Variants in SPINK8 observed in about 807,000 individuals in gnomAD.
The protein encoded by SPINK8 is serine protease inhibitor Kazal-type 8.
A neutral mutation model predicts 14.4 loss-of-function variants in SPINK8; 12 were observed. The ratio of observed to expected loss-of-function variants is 0.83; its 90% confidence interval spans 0.53 to 1.35. SPINK8 has a LOEUF of 1.35. Among genes scored for constraint, SPINK8 ranks in the 40% most tolerant of loss-of-function variants. The probability of loss-of-function intolerance (pLI) is 0.00; values close to 1 mark genes in which losing one functional copy is unlikely to be tolerated. For synonymous variants in SPINK8, 32 were observed against 37.6 expected, an observed-to-expected ratio of 0.85 and a Z score of 0.55; for missense variants, 103 against 117.0, an observed-to-expected ratio of 0.88 and a Z score of 0.55.
intron 4 of SPINK8, among the ~76,000 whole-genome samples, chr3:48,327,598 G>A (rs550991125): frequency 6.6e-6 from 1 of 152,264 alleles, no homozygotes; most frequent in South Asian, 2.1e-4. Context: ...TGAAAGGTGA[G>A]GAAGTGTAGA....
chr3:48,323,010 G>A (rs2036095281), intron 4 of SPINK8, among the ~76,000 whole-genome samples: 1 of 152,150 alleles, frequency 6.6e-6, no homozygotes, highest in Non-Finnish European at 1.5e-5. Context: ...TTCCAAAGCA[G>A]CTGCATTTTA....
intron 6 of SPINK8, among the ~76,000 whole-genome samples, chr3:48,317,156 C>G (rs1333422228): frequency 6.6e-6 from 1 of 152,142 alleles, no homozygotes; most frequent in East Asian, 1.9e-4. Flanking sequence ...ATAACAAAAA[C>G]AGTTCAAAGA....
intron 6 of SPINK8, among the ~76,000 whole-genome samples, chr3:48,312,720 C>T (rs1024906631): frequency 6.6e-5 from 10 of 151,492 alleles, no homozygotes; most frequent in Admixed American, 3.9e-4. Context: ...TCAATGGGGC[C>T]GGGCGTGGTG....
chr3:48,319,511 C>T lies in SPINK8; in HGVS notation c.225G>A (p.Leu75=). ...DQVTYSSDCH[L]CSKILFEGLN... ...TTAGGACTTACAGAATTTTGGAGCA[C>T]AGATGGCAGTCACTACTGTAGGTAA... is the stretch of plus-strand genomic sequence containing the variant. Residue 75 remains leucine, a synonymous_variant, in exon 6 of 8, where the codon CTG becomes CTA. Transcript: ENST00000434006. The T allele has an allele frequency of 4.3e-6, 7 of 1,613,974 alleles. No individual in the cohort carries two copies. Among genetic ancestry groups the T allele is most frequent in the Non-Finnish European group, 5.9e-6 (7 of 1,179,876 alleles).
intron 4 of SPINK8, among the ~76,000 whole-genome samples, chr3:48,325,705 G>T (rs895578452): frequency 2.0e-5 from 3 of 150,888 alleles, no homozygotes. Context: ...TGATTCTCCT[G>T]CTTCAGCCTC....
intron 4 of SPINK8, among the ~76,000 whole-genome samples, chr3:48,324,262 T>A (rs999549082): frequency 6.6e-6 from 1 of 152,208 alleles, no homozygotes; most frequent in Non-Finnish European, 1.5e-5. Context: ...TAAGTGAAAT[T>A]GTTTTCTTAA....
At chr3:48,320,503 G>A (rs373647061) in intron 5 of SPINK8, among the ~76,000 whole-genome samples, 177 of 151,598 alleles carry the variant, frequency 1.2e-3, no homozygotes, top group African/African-American at 4.0e-3. Context: ...AGCTGAGATC[G>A]CGCCACTGCA....
At chr3:48,320,837 C>T (rs1399463172) in intron 5 of SPINK8, among the ~76,000 whole-genome samples, 188 bp downstream of exon 5, 1 of 152,158 alleles carries the variant, frequency 6.6e-6, no homozygotes, top group East Asian at 1.9e-4. Flanking sequence ...ATTGGGAGAA[C>T]CCTTGAGAAG....
In SPINK8 at chr3:48,332,412, A is replaced by G. The variant is rs192421294; in HGVS notation, c.-182T>C. 9.8e-5 allele frequency among the ~76,000 whole-genome samples: 15 copies of G among 152,346 alleles called. No homozygotes were observed. Among genetic ancestry groups the G allele is most frequent in the African/African-American group, 3.1e-4 (13 of 41,576 alleles). On this transcript the variant is annotated 5_prime_UTR_variant, in exon 2 of 8. Coordinates refer to ENST00000434006, the MANE Select transcript of SPINK8 (RefSeq NM_001080525.3). ...CAATAGATCCAGATGACAGAGAGGT[A>G]TGCTTCCTCAATGCCTCCCTTAGTC...
intron 6 of SPINK8, among the ~76,000 whole-genome samples, chr3:48,312,996 C>CAAAAAAA (rs57016387): frequency 2.5e-5 from 3 of 122,018 alleles, no homozygotes; most frequent in Non-Finnish European, 3.5e-5. Context: ...GACTCTGTCT[C>CAAAAAAA]AAAAAAAAAA....
At chr3:48,322,354 T>A (rs1041979640) in intron 4 of SPINK8, among the ~76,000 whole-genome samples, 1 of 151,890 alleles carries the variant, frequency 6.6e-6, no homozygotes, top group Non-Finnish European at 1.5e-5. Context: ...TTTTTTTTTT[T>A]AGACAGAATC....
intron 7 of SPINK8, among the ~76,000 whole-genome samples, chr3:48,307,438 T>C (rs2035863808): frequency 1.3e-5 from 2 of 151,426 alleles, no homozygotes; most frequent in African/African-American, 4.9e-5. Flanking sequence ...CCCTTCCTTC[T>C]TCCACTTCCT....
At chr3:48,321,125 CA>C in intron 4 of SPINK8, 51 bp from the exon 5 acceptor site, 1 of 1,534,248 alleles carries the variant, frequency 6.5e-7, no homozygotes, top group South Asian at 1.2e-5. Flanking sequence ...CTTCTGCCCT[CA>C]GCGAAAAAGG....
At chr3:48,308,335 A>G (rs1488313348) in intron 7 of SPINK8, among the ~76,000 whole-genome samples, 2 of 152,206 alleles carry the variant, frequency 1.3e-5, no homozygotes, top group African/African-American at 4.8e-5. Context: ...TACTTTATAA[A>G]AGCAATATTA....
At chr3:48,322,163 T>C (rs1209826369) in intron 4 of SPINK8, among the ~76,000 whole-genome samples, 1 of 151,940 alleles carries the variant, frequency 6.6e-6, no homozygotes, top group African/African-American at 2.4e-5. Flanking sequence ...TCTTTTTAAA[T>C]AATTCACCTA....
intron 6 of SPINK8, among the ~76,000 whole-genome samples, chr3:48,318,999 C>A (rs2036033023): frequency 6.6e-6 from 1 of 152,198 alleles, no homozygotes; most frequent in Non-Finnish European, 1.5e-5. Flanking sequence ...CTCAAAGCTT[C>A]TAACATGTGA....
intron 2 of SPINK8, among the ~76,000 whole-genome samples, chr3:48,330,614 G>A (rs2107117227): frequency 1.3e-5 from 2 of 152,142 alleles, no homozygotes; most frequent in South Asian, 4.2e-4. Context: ...TTGAATGCCT[G>A]GGTTTATATC....
intron 4 of SPINK8, among the ~76,000 whole-genome samples, chr3:48,326,975 T>C (rs2036155029): frequency 6.6e-6 from 1 of 152,074 alleles, no homozygotes; most frequent in African/African-American, 2.4e-5. Context: ...CCACCACTGG[T>C]GTGTTCAGGT....
chr3:48,317,255 G>A (rs1044409358), intron 6 of SPINK8, among the ~76,000 whole-genome samples: 1 of 152,124 alleles, frequency 6.6e-6, no homozygotes, highest in Non-Finnish European at 1.5e-5. Flanking sequence ...TTGGGAGGCC[G>A]AGGCAGGCTG....
Sources: allele counts gnomAD v4.1 joint callset (sites outside exome capture counted in the v4.1 genomes callset), GRCh38; gene constraint gnomAD v4.1.1; transcripts MANE v1.5; gene names NCBI Gene and HGNC (gene_info 2026-07-23, HGNC 2026-07-21).